Variants in TTN observed in about 807,000 individuals in gnomAD.
TTN encodes connectin.
A neutral mutation model predicts 3,223.0 loss-of-function variants in TTN; 1,525 were observed. That is an observed-to-expected ratio of 0.47 (90% CI 0.45 to 0.49). The LOEUF is 0.49. TTN is among the 20% of genes least tolerant of loss of function. The probability of loss-of-function intolerance (pLI) is 0.00; values close to 1 mark genes in which losing one functional copy is unlikely to be tolerated. For missense variants in TTN, 40,786 were observed against 43,424.0 expected, an observed-to-expected ratio of 0.94 and a Z score of 5.40; for synonymous variants, 14,094 against 15,161.0, an observed-to-expected ratio of 0.93 and a Z score of 5.17.
chr2:178,574,254 T>C lies in TTN; in HGVS notation c.71878A>G (p.Ile23960Val), dbSNP rs1198927435. The C allele has an allele frequency of 1.2e-6, 2 of 1,612,866 alleles. No individual in the cohort carries two copies. Among genetic ancestry groups the C allele is most frequent in the Non-Finnish European group, 1.7e-6 (2 of 1,179,200 alleles). Reference sequence around the variant, plus strand: ...TTAGGAAGGTCTCTCTTTTCAACGATATAACTGGTAATTTTAAAGCCCCCA... The same window carrying C: ...TTAGGAAGGTCTCTCTTTTCAACGACATAACTGGTAATTTTAAAGCCCCCA... ...YTGGFKITSY[I>V]VEKRDLPNGR... Residue 23960 changes from isoleucine (I) to valine (V), a missense_variant, in exon 326 of 363, where the codon ATC (isoleucine) becomes GTC (valine). Transcript: ENST00000589042.
In TTN at chr2:178,592,395, T is replaced by C; in HGVS notation, c.59610A>G (p.Val19870=). 2 of 1,612,950 alleles carry C rather than the reference T, an allele frequency of 1.2e-6. No individual in the cohort carries two copies. Among genetic ancestry groups the C allele is most frequent in the Non-Finnish European group, 1.7e-6 (2 of 1,179,494 alleles). ...ENPAGSKTVS[V]KVLVLDKPGP... ...AATTCTTACCTAATACAAGTACTTT[T>C]ACTGAGACAGTTTTTGAACCAGCTG... Residue 19870 remains valine (V), a synonymous_variant, in exon 301 of 363, where the codon GTA becomes GTG. Transcript: ENST00000589042.
chr2:178,646,569 A>G lies in TTN; in HGVS notation c.40223-10T>C, dbSNP rs2154244790. 1 of 1,525,212 alleles carries G rather than the reference A, an allele frequency of 6.6e-7. No individual in the cohort carries two copies. Among genetic ancestry groups the G allele is most frequent in the South Asian group, 1.2e-5 (1 of 82,450 alleles). The allele number at this position is 1,525,212 out of a possible 1,614,324, so 94.5% of individuals were successfully genotyped here. On this transcript the variant is annotated splice_polypyrimidine_tract_variant and intron_variant, in intron 215 of 362. Coordinates refer to ENST00000589042, the MANE Select transcript of TTN (RefSeq NM_001267550.2). Reference sequence around the variant, plus strand: ...TTTTCAATTTCACGTTCTTTAAAGAATGTTGACAAAGGAGATGAGGTTGCA... The same window carrying G: ...TTTTCAATTTCACGTTCTTTAAAGAGTGTTGACAAAGGAGATGAGGTTGCA...
Position 178,770,045 on chromosome 2 carries a change from C to A in TTN, c.8641+15G>T, listed in dbSNP as rs2091245200. ...TCATTAAGGAAAGGGCTGTAGGGGG[C>A]TGCCTGATACTTACTCTCCACAAAC... On this transcript the variant is annotated intron_variant, in intron 36 of 362. Transcript: ENST00000589042. The A allele has an allele frequency of 6.2e-7, 1 of 1,614,130 alleles. No homozygotes were observed. The highest frequency in any genetic ancestry group is 8.5e-7 in the Non-Finnish European group (1 of 1,180,002).
In TTN at chr2:178,711,185, A is replaced by G; in HGVS notation, c.28051T>C (p.Phe9351Leu). 1.9e-6 allele frequency: 3 copies of G among 1,613,866 alleles called. No individual in the cohort carries two copies. The highest frequency in any genetic ancestry group is 2.5e-6 in the Non-Finnish European group (3 of 1,179,794). ...TTGAGTGTGGCTGTATTGTCTAAAA[A>G]TGATGTTTGTACATTTGGGCTGTCT... The part of the protein sequence containing the change: ...LKDSPNVQTS[F>L]LDNTATLNIF... The change falls in exon 97 of 363, where the codon TTT becomes CTT. Residue 9351 changes from phenylalanine (F) to leucine (L), a missense_variant. Phe to Leu is a conservative substitution (Grantham distance 22). Transcript: ENST00000589042.
rs375408819 is a variant in TTN, at chr2:178,729,725, A to G, written c.18528T>C (p.Tyr6176=). The change falls in exon 63 of 363, where the codon TAT becomes TAC. Residue 6176 remains tyrosine, a synonymous_variant. Coordinates refer to ENST00000589042, the MANE Select transcript of TTN (RefSeq NM_001267550.2). ...CTGCGTCATTTCGAGCTTCACACACATAAGTCCCACTATTTTCTACCCTGG... is the reference window on the plus strand; with the variant it reads ...CTGCGTCATTTCGAGCTTCACACACGTAAGTCCCACTATTTTCTACCCTGG... ...SGARVENSGT[Y]VCEARNDAGT... The G allele has an allele frequency of 3.5e-5, 56 of 1,613,682 alleles. No individual in the cohort carries two copies. The highest frequency in any genetic ancestry group is 8.9e-5 in the East Asian group (4 of 44,880).
rs780405420 is a variant in TTN at position 178,735,577 on chromosome 2, T to G, written c.14869A>C (p.Thr4957Pro). The G allele has an allele frequency of 9.4e-5, 151 of 1,612,908 alleles. No homozygotes were observed. Among genetic ancestry groups the G allele is most frequent in the Admixed American group, 2.2e-4 (13 of 59,866 alleles). ...TCATTTGAAGCTGTACAGACATAGG[T>G]TCCTGAATCTTTCAGTTTGGCCAAA... ...IPLAKLKDSG[T>P]YVCTASNEAG... Residue 4957 changes from threonine to proline, a missense_variant, in exon 50 of 363, where the codon ACC becomes CCC. Coordinates refer to ENST00000589042, the MANE Select transcript of TTN (RefSeq NM_001267550.2).
At position 178,777,937 on chromosome 2, in the gene TTN, C is replaced by T. The variant is rs750278602; in HGVS notation, c.4247G>A (p.Arg1416His). Residue 1416 changes from arginine to histidine, a missense_variant, in exon 25 of 363, where the codon CGC becomes CAC. Physicochemically the swap from Arg to His is conservative, Grantham distance 29 (BLOSUM62 0). Coordinates refer to ENST00000589042, the MANE Select transcript of TTN (RefSeq NM_001267550.2). ...AGGTGACATCCGTGCAGGAGACATG[C>T]GTATAGGAGACCTGCTCACTGAACG... The part of the protein sequence containing the change: ...SPRSVSRSPI[R>H]MSPARMSPAR... 64 of 1,613,822 alleles carry T rather than the reference C, an allele frequency of 4.0e-5. No individual in the cohort carries two copies. The highest frequency in any genetic ancestry group is 5.3e-5 in the African/African-American group (4 of 74,920).
In TTN at chr2:178,561,108, A is replaced by G; in HGVS notation, c.85024T>C (p.Ser28342Pro). 1 of 1,613,858 alleles carries G rather than the reference A, an allele frequency of 6.2e-7. No individual in the cohort carries two copies. The highest frequency in any genetic ancestry group is 1.1e-5 in the South Asian group (1 of 91,080). The change falls in exon 326 of 363, where the codon TCC becomes CCC. Residue 28342 changes from serine to proline, a missense_variant. Ser to Pro is a moderately conservative substitution (Grantham distance 74). Coordinates refer to ENST00000589042, the MANE Select transcript of TTN (RefSeq NM_001267550.2). ...TCTTTAACTATAATAGGCCCAGTGG[A>G]TTCAGATGGCTCACTAACTGAGTCA... ...AADSVSEPSE[S>P]TGPIIVKDDV...
intron 13 of TTN, among the ~76,000 whole-genome samples, chr2:178,786,678 G>A (rs976539523): frequency 3.9e-5 from 6 of 152,148 alleles, no homozygotes; most frequent in Admixed American, 3.3e-4. Context: ...CACAGAGTGA[G>A]CATATGAATT....
Position 178,614,578 on chromosome 2 carries a change from C to A in TTN, c.48936G>T (p.Lys16312Asn). Reference sequence around the variant, plus strand: ...TATCAACAATAGTCACTGTGGATTTCTTAGGGACATTTTCAATGGTAATTC... The same window carrying A: ...TATCAACAATAGTCACTGTGGATTTATTAGGGACATTTTCAATGGTAATTC... ...DKRITIENVP[K>N]KSTVTIVDSK... The change falls in exon 261 of 363, where the codon AAG becomes AAT. Residue 16312 changes from lysine (K) to asparagine (N), a missense_variant. Transcript: ENST00000589042. The A allele has an allele frequency of 1.2e-6, 2 of 1,612,334 alleles. No homozygotes were observed. Among genetic ancestry groups the A allele is most frequent in the Non-Finnish European group, 1.7e-6 (2 of 1,179,144 alleles).
chr2:178,593,467 C>T lies in TTN; in HGVS notation c.58741G>A (p.Asp19581Asn). Reference protein sequence around the residue: ...MKAKDRFRVPDAPDQPIVTEV... With the variant: ...MKAKDRFRVPNAPDQPIVTEV... ...GTAACAATTGGCTGATCAGGTGCAT[C>T]AGGAACCCCTGTAACAAATGTTGGA... Residue 19581 changes from aspartate to asparagine, a missense_variant, in exon 299 of 363, where the codon GAT becomes AAT. Coordinates refer to ENST00000589042, the MANE Select transcript of TTN (RefSeq NM_001267550.2). 1 of 1,608,610 alleles carries T rather than the reference C, an allele frequency of 6.2e-7. No individual in the cohort carries two copies. The highest frequency in any genetic ancestry group is 1.1e-5 in the South Asian group (1 of 89,040).
rs530807674 is a variant in TTN, at chr2:178,775,496, C to A, written c.6368G>T (p.Arg2123Leu). The change falls in exon 28 of 363, where the codon CGG becomes CTG. Residue 2123 changes from arginine to leucine, a missense_variant. Physicochemically the swap from Arg to Leu is moderately radical, Grantham distance 102. Transcript: ENST00000589042. ...GTCTTCGGGCCAGTACCAGTAGATC[C>A]GGTCAGACCGTTCAATTTTGACACC... is the stretch of plus-strand genomic sequence containing the variant. Reference protein sequence around the residue: ...KNGVKIERSDRIYWYWPEDNV... With the variant: ...KNGVKIERSDLIYWYWPEDNV... 14 of 1,613,966 alleles carry A rather than the reference C, an allele frequency of 8.7e-6. No individual in the cohort carries two copies. In the South Asian group the frequency reaches 1.3e-4, roughly 15 times the overall value.
Position 178,622,841 on chromosome 2 carries a change from A to T in TTN, c.44816-74T>A, listed in dbSNP as rs555070277. 8.7e-6 allele frequency: 10 copies of T among 1,146,092 alleles called. No individual in the cohort carries two copies. In the African/African-American group the frequency reaches 1.4e-4, roughly 16 times the overall value. 71.0% of individuals were successfully genotyped at this position (1,146,092 alleles called of 1,614,324 possible). Reference sequence around the variant, plus strand: ...CTCTGACATTACCATAGTATACATTAAGAAAAAGTGACTCTTTTTTAGGGA... The same window carrying T: ...CTCTGACATTACCATAGTATACATTTAGAAAAAGTGACTCTTTTTTAGGGA... On this transcript the variant is annotated intron_variant, in intron 242 of 362. Coordinates refer to ENST00000589042, the MANE Select transcript of TTN (RefSeq NM_001267550.2).
chr2:178,555,818 G>A (rs1248528861), intron 330 of TTN: 3 of 152,218 alleles, frequency 2.0e-5, no homozygotes, highest in African/African-American at 7.2e-5. Flanking sequence ...CTTAGCAAAT[G>A]GAGATCTTTT....
chr2:178,787,617 T>G (rs2093271033), intron 13 of TTN, among the ~76,000 whole-genome samples: 1 of 152,142 alleles, frequency 6.6e-6, no homozygotes, highest in African/African-American at 2.4e-5. Context: ...TTAATTTTAT[T>G]TTAACAATGA....
rs55653324 is a variant in TTN at position 178,539,406 on chromosome 2, G to C, written c.98659C>G (p.Pro32887Ala). The change falls in exon 352 of 363, where the codon CCA becomes GCA. Residue 32887 changes from proline to alanine, a missense_variant. Coordinates refer to ENST00000589042, the MANE Select transcript of TTN (RefSeq NM_001267550.2). ...GISKPLKSEEPVTPKTPLNPP... is the reference protein window; with the variant it reads ...GISKPLKSEEAVTPKTPLNPP... Reference sequence around the variant, plus strand: ...CTCAATGGTGTTTTTGGTGTGACTGGTTCCTCAGATTTCAAGGGTTTGCTT... The same window carrying C: ...CTCAATGGTGTTTTTGGTGTGACTGCTTCCTCAGATTTCAAGGGTTTGCTT... 31 of 1,612,598 alleles carry C rather than the reference G, an allele frequency of 1.9e-5. No individual in the cohort carries two copies. The South Asian group carries it at 3.3e-4, about 17-fold the overall frequency.
intron 47 of TTN, chr2:178,748,543 T>G: frequency 6.2e-7 from 1 of 1,613,042 alleles, no homozygotes; most frequent in Non-Finnish European, 8.5e-7. Flanking sequence ...AATACATTTG[T>G]TTTAGATCAA....
rs774227311 is a variant in TTN, at chr2:178,581,954, C to G, written c.66415G>C (p.Gly22139Arg). ...GCCTTGGATGCGTCACTGGGTTTGC[C>G]TGGTCCAGCTTTATTTATAGCTGTA... ...RVTAINKAGP[G>R]KPSDASKAAY... Residue 22139 changes from glycine (G) to arginine (R), a missense_variant, in exon 315 of 363, where the codon GGC (glycine) becomes CGC (arginine). By Grantham distance (125) the Gly-to-Arg change is moderately radical (BLOSUM62 -2). Coordinates refer to ENST00000589042, the MANE Select transcript of TTN (RefSeq NM_001267550.2). 3 of 1,613,288 alleles carry G rather than the reference C, an allele frequency of 1.9e-6. No homozygotes were observed. The highest frequency in any genetic ancestry group is 2.5e-6 in the Non-Finnish European group (3 of 1,179,494).
chr2:178,767,841 A>G lies in TTN; in HGVS notation c.9389T>C (p.Val3130Ala). 6.2e-7 allele frequency: 1 copy of G among 1,614,150 alleles called. No homozygotes were observed. Among genetic ancestry groups the G allele is most frequent in the Non-Finnish European group, 8.5e-7 (1 of 1,180,020 alleles). Residue 3130 changes from valine to alanine, a missense_variant, in exon 40 of 363, where the codon GTG becomes GCG. By Grantham distance (64) the Val-to-Ala change is moderately conservative (BLOSUM62 0). Transcript: ENST00000589042. ...TGCAGTTGACACGTTGCCTCCTGCC[A>G]CCACTGTGTACTTCCCAGCATCAGA... ...RMSDAGKYTVVAGGNVSTAKL... is the reference protein window; with the variant it reads ...RMSDAGKYTVAAGGNVSTAKL...
Sources: allele counts gnomAD v4.1 joint callset (sites outside exome capture counted in the v4.1 genomes callset), GRCh38; gene constraint gnomAD v4.1.1; transcripts MANE v1.5; gene names NCBI Gene and HGNC (gene_info 2026-07-23, HGNC 2026-07-21).